KIAA0825: variants seen among roughly 807,000 people sequenced by gnomAD.
KIAA0825 encodes the protein KIAA0825.
KIAA0825 carries 119 observed loss-of-function variants against 147.6 expected under a neutral mutation model. The observed-to-expected ratio is 0.81, with a 90% CI of 0.69 to 0.94. KIAA0825 has a LOEUF of 0.94. Ranked by LOEUF, KIAA0825 falls within the 40% of genes least tolerant of loss-of-function variation. The pLI, the probability that KIAA0825 is intolerant of heterozygous loss-of-function variation, is 0.00. For synonymous variants in KIAA0825, 470 were observed against 518.1 expected (o/e 0.91, Z 1.26); for missense variants, 1,381 against 1,472.7 (o/e 0.94, Z 1.02).
chr5:94,249,677 C>G (rs1019021657), intron 20 of KIAA0825, among the ~76,000 whole-genome samples: 145 of 152,072 alleles, frequency 9.5e-4, no homozygotes, highest in African/African-American at 3.3e-3. Flanking sequence ...GGTCTCAGCT[C>G]AAATGCTTCT....
intron 1 of KIAA0825, among the ~76,000 whole-genome samples, chr5:94,598,980 T>G (rs1785814091): frequency 6.6e-6 from 1 of 152,216 alleles, no homozygotes; most frequent in South Asian, 2.1e-4. Context: ...TTCCTTTAGA[T>G]GAATACTCAG....
chr5:94,342,190 C>T (rs1233360420), intron 20 of KIAA0825, among the ~76,000 whole-genome samples: 3 of 149,080 alleles, frequency 2.0e-5, no homozygotes, highest in African/African-American at 5.0e-5. Context: ...AGCCAGACTC[C>T]GTCTCAAAAA....
At chr5:94,167,750 C>T (rs1253405424) in intron 20 of KIAA0825, among the ~76,000 whole-genome samples, 1 of 151,766 alleles carries the variant, frequency 6.6e-6, no homozygotes, top group Non-Finnish European at 1.5e-5. Context: ...TTGGGCTATT[C>T]TTTTTTAATA....
Position 94,487,098 on chromosome 5 carries a change from G to A in KIAA0825, c.971-2168C>T, listed in dbSNP as rs7721993. Among the ~76,000 whole-genome samples the A allele has an allele frequency of 6.0e-3, 918 of 152,238 alleles. 16 individuals are homozygous for A. Among genetic ancestry groups the A allele is most frequent in the African/African-American group, 0.021 (873 of 41,548 alleles). On this transcript the variant is annotated intron_variant, in intron 5 of 20. Transcript: ENST00000682413. ...GCTTGCTACTTGCTGACAATTATGC[G>A]AGGTCTGAGGATTCTAGATGAAAAG...
chr5:94,300,361 T>C (rs577134629), intron 20 of KIAA0825, among the ~76,000 whole-genome samples: 8 of 152,220 alleles, frequency 5.3e-5, no homozygotes, highest in South Asian at 4.1e-4. Context: ...CATTTTAAAA[T>C]TGTAATTCAG....
intron 20 of KIAA0825, among the ~76,000 whole-genome samples, chr5:94,291,472 A>C (rs1777889714): frequency 6.6e-6 from 1 of 152,122 alleles, no homozygotes; most frequent in South Asian, 2.1e-4. Flanking sequence ...ATTGCTCTAT[A>C]TCTCTGTTTT....
intron 2 of KIAA0825, among the ~76,000 whole-genome samples, chr5:94,545,416 C>T (rs1261594213): frequency 1.3e-5 from 2 of 152,122 alleles, no homozygotes; most frequent in Non-Finnish European, 2.9e-5. Flanking sequence ...TCCCCCAACC[C>T]CAGGCAGCAC....
At chr5:94,519,464 C>T in intron 5 of KIAA0825, 1 of 885,884 alleles carries the variant, frequency 1.1e-6, no homozygotes, top group Non-Finnish European at 1.4e-6. Context: ...AAAGTACAAC[C>T]ACAATAAGAA....
At chr5:94,252,399 C>A (rs990978317) in intron 20 of KIAA0825, among the ~76,000 whole-genome samples, 1 of 151,622 alleles carries the variant, frequency 6.6e-6, no homozygotes, top group African/African-American at 2.4e-5. Context: ...TAACTCTATA[C>A]CTATTTTTAA....
At chr5:94,363,723 C>T (rs1008897669) in intron 20 of KIAA0825, among the ~76,000 whole-genome samples, 2 of 151,920 alleles carry the variant, frequency 1.3e-5, no homozygotes, top group Admixed American at 6.6e-5. Context: ...TAAAAACTAA[C>T]CAGGCATGGT....
chr5:94,533,221 G>A (rs1771238753), intron 3 of KIAA0825, among the ~76,000 whole-genome samples: 2 of 149,688 alleles, frequency 1.3e-5, no homozygotes, highest in Non-Finnish European at 3.0e-5. Flanking sequence ...CTCGTGATCC[G>A]CCCGCCTCGG....
intron 1 of KIAA0825, among the ~76,000 whole-genome samples, chr5:94,602,275 TG>T (rs1386083601): frequency 6.6e-6 from 1 of 151,536 alleles, no homozygotes; most frequent in African/African-American, 2.4e-5. Context: ...GGCGTGAACC[TG>T]GGAGGCGGAG....
At chr5:94,154,809 C>T (rs1245939653) in intron 20 of KIAA0825, among the ~76,000 whole-genome samples, 1 of 152,114 alleles carries the variant, frequency 6.6e-6, no homozygotes. Flanking sequence ...ATCACAATAA[C>T]CCGAGCACAC....
At chr5:94,400,342 T>C (rs944647666) in intron 16 of KIAA0825, among the ~76,000 whole-genome samples, 1 of 152,196 alleles carries the variant, frequency 6.6e-6, no homozygotes, top group Non-Finnish European at 1.5e-5. Context: ...TGAAAAGATA[T>C]GATACTTTTG....
At chr5:94,583,545 C>T (rs2152368777) in intron 1 of KIAA0825, among the ~76,000 whole-genome samples, 1 of 152,326 alleles carries the variant, frequency 6.6e-6, no homozygotes, top group Admixed American at 6.5e-5. Context: ...GTAGAGCCCA[C>T]CACAGCTCAG....
chr5:94,481,951 G>T (rs1762538747), intron 6 of KIAA0825, among the ~76,000 whole-genome samples: 1 of 151,910 alleles, frequency 6.6e-6, no homozygotes, highest in Non-Finnish European at 1.5e-5. Flanking sequence ...ATTGCCCAAA[G>T]AACAACTTTA....
At chr5:94,238,611 G>A (rs1436656757) in intron 20 of KIAA0825, among the ~76,000 whole-genome samples, 1 of 152,084 alleles carries the variant, frequency 6.6e-6, no homozygotes, top group African/African-American at 2.4e-5. Flanking sequence ...ATTTGTGATG[G>A]TTAATGATAA....
In KIAA0825 at chr5:94,473,460, C is replaced by T. The variant is rs564569476; in HGVS notation, c.1287G>A (p.Ala429=). 77 of 1,551,746 alleles carry T rather than the reference C, an allele frequency of 5.0e-5. No homozygotes were observed. The highest frequency in any genetic ancestry group is 1.7e-4 in the Middle Eastern group (1 of 5,994). Reference sequence around the variant, plus strand: ...CTTCAATTGCAGTTACTACGCAGTGCGCCATGGGAAGAGACACTTCTTTAA... The same window carrying T: ...CTTCAATTGCAGTTACTACGCAGTGTGCCATGGGAAGAGACACTTCTTTAA... ...SAFKEVSLPM[A]HCVVTAIEGF... The change falls in exon 8 of 21, where the codon GCG becomes GCA. Residue 429 remains alanine (A), a synonymous_variant. Transcript: ENST00000682413.
At chr5:94,594,278 G>A (rs1784871684) in intron 1 of KIAA0825, 3 of 631,986 alleles carry the variant, frequency 4.7e-6, no homozygotes, top group Non-Finnish European at 9.3e-6. Context: ...AATGCCCTGA[G>A]TTTCAGATCC....
Sources: allele counts gnomAD v4.1 joint callset (sites outside exome capture counted in the v4.1 genomes callset), GRCh38; gene constraint gnomAD v4.1.1; transcripts MANE v1.5; gene names NCBI Gene and HGNC (gene_info 2026-07-23, HGNC 2026-07-21).